NMNAT2: variants seen among roughly 807,000 people sequenced by gnomAD.
NMNAT2 encodes the protein nicotinamide/nicotinic acid mononucleotide adenylyltransferase 2.
Under a neutral mutation model 41.6 loss-of-function variants are expected in NMNAT2, and 11 were observed. That is an observed-to-expected ratio of 0.26 (90% CI 0.17 to 0.44). The LOEUF (loss-of-function observed/expected upper bound fraction) is 0.44. NMNAT2 is among the 20% of genes least tolerant of loss of function. The pLI, the probability that NMNAT2 is intolerant of heterozygous loss-of-function variation, is 1.00. For synonymous variants in NMNAT2, 148 were observed against 151.2 expected, an observed-to-expected ratio of 0.98 and a Z score of 0.16; for missense variants, 288 against 407.7, an observed-to-expected ratio of 0.71 and a Z score of 2.53.
chr1:183,352,381 T>C (rs530640810), intron 1 of NMNAT2, among the ~76,000 whole-genome samples: 1 of 151,914 alleles, frequency 6.6e-6, no homozygotes, highest in Non-Finnish European at 1.5e-5. Context: ...CTGGCCAACA[T>C]GGTGAAACCC....
chr1:183,393,579 G>T (rs1270110601), intron 1 of NMNAT2, among the ~76,000 whole-genome samples: 2 of 152,048 alleles, frequency 1.3e-5, no homozygotes, highest in Non-Finnish European at 2.9e-5. Context: ...ATTTAGAGAC[G>T]GAATCTTACT....
At chr1:183,304,835 T>C in intron 1 of NMNAT2, 1 of 1,593,164 alleles carries the variant, frequency 6.3e-7, no homozygotes, top group Admixed American at 1.7e-5. Flanking sequence ...TTGTTGCTGA[T>C]CTTGTTTGCT....
At chr1:183,338,897 C>G (rs1347915595) in intron 1 of NMNAT2, among the ~76,000 whole-genome samples, 1 of 152,058 alleles carries the variant, frequency 6.6e-6, no homozygotes. Context: ...GGAGACTCTC[C>G]CACTCTGTCT....
At chr1:183,389,814 A>AGGGAGGG (rs1557897688) in intron 1 of NMNAT2, among the ~76,000 whole-genome samples, 3 of 84,728 alleles carry the variant, frequency 3.5e-5, no homozygotes, top group Non-Finnish European at 5.2e-5. Context: ...GAAAGAAAGA[A>AGGGAGGG]AGAAAGAAAG....
chr1:183,277,724 C>T (rs565833557), intron 8 of NMNAT2, among the ~76,000 whole-genome samples: 3 of 152,126 alleles, frequency 2.0e-5, no homozygotes, highest in African/African-American at 4.8e-5. Context: ...TATAGTACAA[C>T]GTTTCTTTAA....
intron 1 of NMNAT2, among the ~76,000 whole-genome samples, chr1:183,333,322 G>C (rs1471608645): frequency 2.0e-5 from 3 of 152,186 alleles, no homozygotes; most frequent in African/African-American, 7.2e-5. Flanking sequence ...CCCCCATGAA[G>C]ATATCCACAT....
chr1:183,290,311 T>A, intron 3 of NMNAT2, 105 bp from the exon 4 acceptor site: 1 of 828,010 alleles, frequency 1.2e-6, no homozygotes, highest in Non-Finnish European at 1.9e-6. Flanking sequence ...GATCTGGCCA[T>A]ACCATGCGCT....
At chr1:183,378,786 G>C (rs963988919) in intron 1 of NMNAT2, among the ~76,000 whole-genome samples, 1 of 127,982 alleles carries the variant, frequency 7.8e-6, no homozygotes. Flanking sequence ...GCTCATGCTT[G>C]TAATCCCAGC....
At chr1:183,355,874 G>A (rs1034765390) in intron 1 of NMNAT2, among the ~76,000 whole-genome samples, 5 of 152,216 alleles carry the variant, frequency 3.3e-5, no homozygotes, top group Non-Finnish European at 7.3e-5. Flanking sequence ...GACAGCCAGT[G>A]TTGTACCATT....
At chr1:183,414,989 A>T (rs1389987537) in intron 1 of NMNAT2, among the ~76,000 whole-genome samples, 2 of 151,452 alleles carry the variant, frequency 1.3e-5, no homozygotes, top group Admixed American at 6.6e-5. Flanking sequence ...TTGAAAAAAA[A>T]TTTTTAAGGC....
chr1:183,408,076 T>A (rs1173847233), intron 1 of NMNAT2, among the ~76,000 whole-genome samples: 1 of 152,260 alleles, frequency 6.6e-6, no homozygotes, highest in East Asian at 1.9e-4. Flanking sequence ...AGATTTAGTT[T>A]AGACTGAAAA....
intron 3 of NMNAT2, among the ~76,000 whole-genome samples, chr1:183,292,541 T>TGACA: frequency 6.6e-6 from 1 of 152,356 alleles, no homozygotes; most frequent in Non-Finnish European, 1.5e-5. Flanking sequence ...CATGCCAGGA[T>TGACA]TCAGAGATGT....
Position 183,293,697 on chromosome 1 carries a change from G to T in NMNAT2, c.174+8C>A. On this transcript the variant is annotated splice_region_variant and intron_variant, in intron 2 of 10. Coordinates refer to ENST00000287713, the MANE Select transcript of NMNAT2 (RefSeq NM_015039.4). The stretch of plus-strand genomic sequence containing the variant: ...TTGAAGAGGAGAGGGGCACAGGAAG[G>T]AACCCACCTGTTTTCCATAGGAGTC... 2 of 1,607,220 alleles carry T rather than the reference G, an allele frequency of 1.2e-6. No individual in the cohort carries two copies. The highest frequency in any genetic ancestry group is 1.7e-6 in the Non-Finnish European group (2 of 1,173,648).
At chr1:183,341,672 T>C (rs189646796) in intron 1 of NMNAT2, among the ~76,000 whole-genome samples, 435 of 34,138 alleles carry the variant, frequency 0.013, 8 homozygotes, top group Non-Finnish European at 9.7e-3. Flanking sequence ...GCCTGGTCAA[T>C]AGAGAAAAAA....
chr1:183,403,091 G>A (rs535663202), intron 1 of NMNAT2, among the ~76,000 whole-genome samples: 46 of 151,652 alleles, frequency 3.0e-4, no homozygotes, highest in African/African-American at 9.2e-4. Context: ...CTGCCATCAC[G>A]TCCAGCTAAT....
chr1:183,271,969 T>G (rs1426118045), intron 8 of NMNAT2, among the ~76,000 whole-genome samples: 1 of 152,124 alleles, frequency 6.6e-6, no homozygotes, highest in Non-Finnish European at 1.5e-5. Context: ...GCCAGGCTGG[T>G]TTTGAACTCC....
intron 1 of NMNAT2, among the ~76,000 whole-genome samples, chr1:183,409,602 C>T (rs1649059213): frequency 6.6e-6 from 1 of 152,144 alleles, no homozygotes; most frequent in South Asian, 2.1e-4. Context: ...CAGGTGTGAG[C>T]CACTGTGCCC....
intron 1 of NMNAT2, among the ~76,000 whole-genome samples, chr1:183,416,613 A>G (rs900080509): frequency 1.2e-4 from 19 of 152,200 alleles, no homozygotes; most frequent in African/African-American, 4.3e-4. Flanking sequence ...TCTTAATAAA[A>G]GACTTTTGAA....
Position 183,293,689 on chromosome 1 carries a change from A to C in NMNAT2, c.174+16T>G. On this transcript the variant is annotated intron_variant, in intron 2 of 10. Transcript: ENST00000287713. The stretch of plus-strand genomic sequence containing the variant: ...GACGGGGATTGAAGAGGAGAGGGGC[A>C]CAGGAAGGAACCCACCTGTTTTCCA... The C allele has an allele frequency of 6.3e-7, 1 of 1,593,030 alleles. No homozygotes were observed. Among genetic ancestry groups the C allele is most frequent in the South Asian group, 1.1e-5 (1 of 90,688 alleles).
Sources: allele counts gnomAD v4.1 joint callset (sites outside exome capture counted in the v4.1 genomes callset), GRCh38; gene constraint gnomAD v4.1.1; transcripts MANE v1.5; gene names NCBI Gene and HGNC (gene_info 2026-07-23, HGNC 2026-07-21).